The following NXPE4 variants were observed in gnomAD, a reference collection of about 807,000 sequenced individuals.
NXPE4 encodes the protein NXPE family member 4.
A neutral mutation model predicts 33.3 loss-of-function variants in NXPE4; 42 were observed. That is an observed-to-expected ratio of 1.26 (90% confidence interval 0.98 to 1.63). The LOEUF is 1.63. NXPE4 is among the 40% of genes most tolerant of loss of function. The pLI, the probability that NXPE4 is intolerant of heterozygous loss-of-function variation, is 0.00. For synonymous variants in NXPE4, 253 were observed against 234.9 expected (o/e 1.08, Z -0.71); for missense variants, 709 against 647.6 (o/e 1.09, Z -1.03).
the NXPE4 span, among the ~76,000 whole-genome samples, chr11:114,626,769 G>A: frequency 1.3e-5 from 2 of 152,006 alleles, no homozygotes; most frequent in African/African-American, 4.8e-5. Context: ...TGAAAACTTT[G>A]AAAAAAATTT....
the NXPE4 span, among the ~76,000 whole-genome samples, chr11:114,629,874 A>G: frequency 3.3e-5 from 5 of 150,600 alleles, no homozygotes; most frequent in South Asian, 1.1e-3. Context: ...TTATACACCA[A>G]CAACAGACAA....
At chr11:114,627,824 G>A in the NXPE4 span, among the ~76,000 whole-genome samples, 14 of 151,366 alleles carry the variant, frequency 9.2e-5, no homozygotes, top group Admixed American at 9.2e-4. Flanking sequence ...GATGGAGGAA[G>A]ATCTACCAAG....
chr11:114,670,833 C>A, the NXPE4 span, among the ~76,000 whole-genome samples: 2 of 151,238 alleles, frequency 1.3e-5, no homozygotes, highest in Non-Finnish European at 2.9e-5. Context: ...TGCAAAGAAA[C>A]AGGAGAGAAT....
chr11:114,591,175 C>G (rs1016807781), intron 2 of NXPE4, among the ~76,000 whole-genome samples: 1 of 152,162 alleles, frequency 6.6e-6, no homozygotes, highest in Non-Finnish European at 1.5e-5. Context: ...TGAAAGTGCA[C>G]CTCTCTATCC....
At chr11:114,642,465 T>C in the NXPE4 span, among the ~76,000 whole-genome samples, 1 of 151,846 alleles carries the variant, frequency 6.6e-6, no homozygotes, top group Non-Finnish European at 1.5e-5. Context: ...GATTTTCCCC[T>C]CCCTGTGTCC....
intron 2 of NXPE4, among the ~76,000 whole-genome samples, chr11:114,591,021 G>T (rs548229103): frequency 2.6e-5 from 4 of 152,256 alleles, no homozygotes; most frequent in African/African-American, 9.6e-5. Flanking sequence ...AGCAAGTTGT[G>T]GTACAGATCT....
chr11:114,633,577 A>G, the NXPE4 span, among the ~76,000 whole-genome samples: 1 of 151,444 alleles, frequency 6.6e-6, no homozygotes, highest in Non-Finnish European at 1.5e-5. Flanking sequence ...CTCGTCATTT[A>G]GCATTAGGTA....
chr11:114,613,949 A>T, the NXPE4 span, among the ~76,000 whole-genome samples: 2 of 151,062 alleles, frequency 1.3e-5, no homozygotes, highest in Non-Finnish European at 3.0e-5. Context: ...CTCTAGGGTA[A>T]TCACTGTTTA....
the NXPE4 span, among the ~76,000 whole-genome samples, chr11:114,611,226 C>T: frequency 1.3e-5 from 2 of 151,718 alleles, no homozygotes; most frequent in Non-Finnish European, 2.9e-5. Flanking sequence ...TGGGTAACCA[C>T]TGTTATCCAG....
At chr11:114,579,026 C>A (rs1286998187) in intron 5 of NXPE4, among the ~76,000 whole-genome samples, 1 of 152,034 alleles carries the variant, frequency 6.6e-6, no homozygotes, top group Non-Finnish European at 1.5e-5. Context: ...ATACCTGAGG[C>A]TGGGTAATTT....
At chr11:114,583,070 C>A (rs1333007037) in intron 2 of NXPE4, 49 bp from the exon 3 acceptor site, 9 of 1,545,782 alleles carry the variant, frequency 5.8e-6, no homozygotes, top group Non-Finnish European at 7.8e-6. Context: ...TAGAGCATAT[C>A]TGAACTGAAA....
chr11:114,665,691 T>G, the NXPE4 span, among the ~76,000 whole-genome samples: 4 of 152,140 alleles, frequency 2.6e-5, no homozygotes, highest in African/African-American at 7.2e-5. Flanking sequence ...TGGAGTCAGT[T>G]AGAAAGACAG....
At chr11:114,617,660 G>A in the NXPE4 span, among the ~76,000 whole-genome samples, 1 of 151,850 alleles carries the variant, frequency 6.6e-6, no homozygotes, top group Non-Finnish European at 1.5e-5. Context: ...TGCCTCTAGG[G>A]TAACCACTGT....
the NXPE4 span, among the ~76,000 whole-genome samples, chr11:114,658,183 A>G: frequency 6.6e-6 from 1 of 152,360 alleles, no homozygotes; most frequent in African/African-American, 2.4e-5. Context: ...CAGGCCAACC[A>G]TCTAGCTTAA....
the NXPE4 span, among the ~76,000 whole-genome samples, chr11:114,640,098 A>T: frequency 3.3e-5 from 4 of 123,012 alleles, no homozygotes; most frequent in Non-Finnish European, 6.3e-5. Context: ...AATATAATAT[A>T]TGATTATATA....
chr11:114,585,245 T>C (rs1257096908), intron 2 of NXPE4, among the ~76,000 whole-genome samples: 1 of 151,632 alleles, frequency 6.6e-6, no homozygotes, highest in Non-Finnish European at 1.5e-5. Flanking sequence ...CCTGCAGAAT[T>C]GGGGGAGTTT....
At chr11:114,615,776 T>C in the NXPE4 span, among the ~76,000 whole-genome samples, 1 of 151,624 alleles carries the variant, frequency 6.6e-6, no homozygotes, top group African/African-American at 2.4e-5. Flanking sequence ...GCCTCATGGG[T>C]AACCACTGTT....
intron 2 of NXPE4, among the ~76,000 whole-genome samples, chr11:114,585,964 A>C (rs1440016212): frequency 6.6e-6 from 1 of 152,190 alleles, no homozygotes; most frequent in Non-Finnish European, 1.5e-5. Context: ...GGAGCTGGCC[A>C]GGTAGAGAAC....
chr11:114,581,963 T>C (rs1949156467), intron 3 of NXPE4, among the ~76,000 whole-genome samples, 177 bp from the exon 4 acceptor site: 2 of 152,222 alleles, frequency 1.3e-5, no homozygotes, highest in South Asian at 4.1e-4. Context: ...GGGATACAGT[T>C]ACCCAGAAGG....
Sources: gnomAD v4.1 joint callset for allele counts (sites outside exome capture counted in the v4.1 genomes callset) on GRCh38, gnomAD v4.1.1 for gene constraint, MANE v1.5 for transcripts, NCBI Gene and HGNC (gene_info 2026-07-23, HGNC 2026-07-21) for gene names.